Variants in SGSM1 observed in about 807,000 individuals in gnomAD.
SGSM1 encodes RUN and TBC1 domain containing 2.
A neutral mutation model predicts 133.8 loss-of-function variants in SGSM1; 73 were observed. That is an observed-to-expected ratio of 0.55 (90% confidence interval 0.45 to 0.66). The LOEUF is 0.66. Ranked by LOEUF, SGSM1 falls within the 30% of genes least tolerant of loss-of-function variation. The pLI is 0.00. For missense variants in SGSM1, 1,213 were observed against 1,448.1 expected (o/e 0.84, Z 2.64); for synonymous variants, 563 against 573.0 (o/e 0.98, Z 0.25).
intron 2 of SGSM1, among the ~76,000 whole-genome samples, chr22:24,812,695 T>C (rs1449678519): frequency 1.3e-5 from 2 of 152,202 alleles, no homozygotes; most frequent in Admixed American, 6.5e-5. Flanking sequence ...AGGGCTGTAC[T>C]TCAGGAAGTT....
chr22:24,901,395 C>T (rs1217924392), intron 19 of SGSM1, among the ~76,000 whole-genome samples: 1 of 152,172 alleles, frequency 6.6e-6, no homozygotes, highest in East Asian at 1.9e-4. Flanking sequence ...TGGCAGCTTT[C>T]CTTAAGGCAA....
intron 20 of SGSM1, among the ~76,000 whole-genome samples, chr22:24,903,501 C>A (rs369045078): frequency 1.6e-3 from 248 of 152,180 alleles, no homozygotes; most frequent in African/African-American, 5.7e-3. Flanking sequence ...AGCCATCGCA[C>A]CCAGCCTGAA....
At chr22:24,849,907 G>T (rs12158914) in intron 4 of SGSM1, among the ~76,000 whole-genome samples, 10,966 of 152,184 alleles carry the variant, frequency 0.072, 1,255 homozygotes, top group African/African-American at 0.24. Context: ...AGGTGAGTGG[G>T]ACAAGGTCTT....
At chr22:24,837,752 C>T (rs1024127371) in intron 2 of SGSM1, among the ~76,000 whole-genome samples, 4 of 152,232 alleles carry the variant, frequency 2.6e-5, no homozygotes, top group African/African-American at 4.8e-5. Flanking sequence ...GGCTTGCACT[C>T]TTGTCTAATG....
intron 2 of SGSM1, among the ~76,000 whole-genome samples, chr22:24,823,580 A>G (rs1318726539): frequency 6.6e-6 from 1 of 152,046 alleles, no homozygotes; most frequent in Non-Finnish European, 1.5e-5. Context: ...CAGCCTGGGC[A>G]ACAGAGCGAG....
intron 10 of SGSM1, 65 bp downstream of exon 10, chr22:24,867,225 C>T (rs1362796614): frequency 4.7e-6 from 7 of 1,504,650 alleles, no homozygotes; most frequent in Non-Finnish European, 5.5e-6. Flanking sequence ...GTCTCCATCC[C>T]TGCCTATTCA....
At chr22:24,823,372 G>T (rs1928597632) in intron 2 of SGSM1, among the ~76,000 whole-genome samples, 1 of 152,170 alleles carries the variant, frequency 6.6e-6, no homozygotes, top group Non-Finnish European at 1.5e-5. Context: ...GGAGGCTGAG[G>T]CAGGCAGATC....
chr22:24,918,458 T>C (rs1042917318), intron 23 of SGSM1, among the ~76,000 whole-genome samples: 1 of 147,852 alleles, frequency 6.8e-6, no homozygotes, highest in Admixed American at 6.8e-5. Flanking sequence ...ATAACACCAT[T>C]GCACTCTAGC....
intron 21 of SGSM1, among the ~76,000 whole-genome samples, chr22:24,905,644 C>T (rs1016536701): frequency 7.9e-5 from 12 of 151,780 alleles, no homozygotes; most frequent in African/African-American, 2.9e-4. Context: ...AAAAAATTAG[C>T]CAGGCGTGGT....
At chr22:24,897,532 G>A (rs1932949289) in intron 18 of SGSM1, among the ~76,000 whole-genome samples, 1 of 152,188 alleles carries the variant, frequency 6.6e-6, no homozygotes. Context: ...TGGCATGATG[G>A]TCACAGCTCA....
chr22:24,917,689 A>G lies in SGSM1; in HGVS notation c.2960A>G (p.His987Arg), dbSNP rs748072090. Residue 987 changes from histidine (H) to arginine (R), a missense_variant, in exon 23 of 25, where the codon CAT (histidine) becomes CGT (arginine). Transcript: ENST00000400358. ...GACTCAGAGCTGTTTGAGCTGATGC[A>G]TCAGAACGGGGACTATACTCACTTC... ...ILDSELFELM[H>R]QNGDYTHFYF... The G allele has an allele frequency of 5.6e-6, 9 of 1,613,876 alleles. No homozygotes were observed. The highest frequency in any genetic ancestry group is 5.3e-5 in the African/African-American group (4 of 74,900).
Position 24,859,773 on chromosome 22 carries a change from A to T in SGSM1, c.859A>T (p.Met287Leu), listed in dbSNP as rs769531940. The T allele has an allele frequency of 6.2e-7, 1 of 1,614,006 alleles. No individual in the cohort carries two copies. Among genetic ancestry groups the T allele is most frequent in the Non-Finnish European group, 8.5e-7 (1 of 1,179,882 alleles). Residue 287 changes from methionine (M) to leucine (L), a missense_variant, in exon 9 of 25, where the codon ATG (methionine) becomes TTG (leucine). Transcript: ENST00000400358. The part of the protein sequence containing the change: ...YLSLHQTADV[M>L]TLKWTPNQLM... The stretch of plus-strand genomic sequence containing the variant: ...GTCCCTGCACCAGACGGCTGACGTC[A>T]TGACCTTGAAGTGGACACCCAACCA...
intron 2 of SGSM1, among the ~76,000 whole-genome samples, chr22:24,838,929 C>A (rs1214095934): frequency 5.4e-4 from 80 of 147,038 alleles, no homozygotes; most frequent in Admixed American, 5.4e-4. Flanking sequence ...TATGTTTCTG[C>A]AAAAAAAAAA....
At chr22:24,850,582 A>G (rs1158785158) in intron 5 of SGSM1, 150 bp downstream of exon 5, 1 of 1,173,146 alleles carries the variant, frequency 8.5e-7, no homozygotes. Context: ...ACTTGGGTAG[A>G]TTCAAGAGCT....
intron 8 of SGSM1, 170 bp from the exon 9 acceptor site, chr22:24,859,546 A>C: frequency 1.1e-6 from 1 of 904,912 alleles, no homozygotes; most frequent in South Asian, 1.4e-5. Flanking sequence ...GGCTTTGCTT[A>C]GCATGGCCAT....
At chr22:24,885,599 G>T (rs1031103429) in intron 15 of SGSM1, among the ~76,000 whole-genome samples, 9 of 151,532 alleles carry the variant, frequency 5.9e-5, no homozygotes, top group East Asian at 3.9e-4. Flanking sequence ...GCTAATTTTT[G>T]TATTTTTAGA....
At chr22:24,883,296 G>A (rs772886122) in intron 14 of SGSM1, among the ~76,000 whole-genome samples, 3 of 152,162 alleles carry the variant, frequency 2.0e-5, no homozygotes, top group African/African-American at 7.2e-5. Flanking sequence ...AAACATGGGG[G>A]TGCAGATATA....
At chr22:24,814,559 A>G (rs1334827336) in intron 2 of SGSM1, among the ~76,000 whole-genome samples, 1 of 151,826 alleles carries the variant, frequency 6.6e-6, no homozygotes, top group Non-Finnish European at 1.5e-5. Context: ...GGAGAAGGCC[A>G]CAACAGCAAG....
chr22:24,878,945 C>T (rs976274661), intron 13 of SGSM1, among the ~76,000 whole-genome samples: 1 of 152,208 alleles, frequency 6.6e-6, no homozygotes, highest in Non-Finnish European at 1.5e-5. Flanking sequence ...TACAGATGAT[C>T]GAAATAGGAA....
Sources: gnomAD v4.1 joint callset for allele counts (sites outside exome capture counted in the v4.1 genomes callset) on GRCh38, gnomAD v4.1.1 for gene constraint, MANE v1.5 for transcripts, NCBI Gene and HGNC (gene_info 2026-07-23, HGNC 2026-07-21) for gene names.